CACNB2: variants seen among roughly 807,000 people sequenced by gnomAD.
The protein encoded by CACNB2 is voltage-dependent L-type calcium channel subunit beta-2.
Under a neutral mutation model 73.3 loss-of-function variants are expected in CACNB2, and 42 were observed. The ratio of observed to expected loss-of-function variants is 0.57; its 90% confidence interval spans 0.45 to 0.74. The LOEUF (loss-of-function observed/expected upper bound fraction) is 0.74, where lower values mean the gene tolerates loss of function less well. CACNB2 is among the 30% of genes least tolerant of loss of function. CACNB2 has a pLI of 0.00. For synonymous variants in CACNB2, 348 were observed against 310.3 expected (o/e 1.12, Z -1.28); for missense variants, 940 against 853.0 (o/e 1.10, Z -1.27).
chr10:18,352,580 AC>A (rs2041753737), intron 2 of CACNB2, among the ~76,000 whole-genome samples: 1 of 152,192 alleles, frequency 6.6e-6, no homozygotes, highest in Non-Finnish European at 1.5e-5. Flanking sequence ...TTTGCTACCC[AC>A]TTGTTGCTTT....
At chr10:18,312,470 A>G (rs1564426789) in intron 2 of CACNB2, among the ~76,000 whole-genome samples, 1 of 152,184 alleles carries the variant, frequency 6.6e-6, no homozygotes, top group African/African-American at 2.4e-5. Context: ...GCCAGTTAAG[A>G]TTATATAACA....
intron 6 of CACNB2, among the ~76,000 whole-genome samples, chr10:18,511,145 G>A (rs1278540552): frequency 6.6e-6 from 1 of 152,164 alleles, no homozygotes; most frequent in Non-Finnish European, 1.5e-5. Context: ...TAGCACATCA[G>A]TATGCATAGA....
chr10:18,270,682 C>A (rs2038014186), intron 2 of CACNB2, among the ~76,000 whole-genome samples: 1 of 152,090 alleles, frequency 6.6e-6, no homozygotes, highest in Admixed American at 6.6e-5. Context: ...TTTTATTTGC[C>A]TGTGCTCCTC....
intron 2 of CACNB2, among the ~76,000 whole-genome samples, chr10:18,205,638 T>A (rs2035057775): frequency 6.6e-6 from 1 of 152,228 alleles, no homozygotes; most frequent in South Asian, 2.1e-4. Flanking sequence ...CAAATATGAA[T>A]GAAATCTGAT....
chr10:18,534,068 C>T lies in CACNB2; in HGVS notation c.1055-8C>T, dbSNP rs1473904019. On this transcript the variant is annotated splice_polypyrimidine_tract_variant and splice_region_variant and intron_variant, in intron 10 of 13. Transcript: ENST00000324631. ...TGCACTTTAACTGAATTGTTTCGCC[C>T]TTTACAGCGGAAGTTCAGAGTGAAA... The T allele has an allele frequency of 5.6e-6, 9 of 1,613,978 alleles. No individual in the cohort carries two copies. Among genetic ancestry groups the T allele is most frequent in the Non-Finnish European group, 7.6e-6 (9 of 1,179,882 alleles).
At chr10:18,194,094 C>A (rs1210356975) in intron 2 of CACNB2, among the ~76,000 whole-genome samples, 1 of 152,102 alleles carries the variant, frequency 6.6e-6, no homozygotes, top group East Asian at 1.9e-4. Flanking sequence ...AGGATTCTCT[C>A]AATCAGAGTT....
chr10:18,287,811 C>A (rs1473555017), intron 2 of CACNB2, among the ~76,000 whole-genome samples: 1 of 152,186 alleles, frequency 6.6e-6, no homozygotes, highest in African/African-American at 2.4e-5. Flanking sequence ...GATCATGACA[C>A]TGCACTCCAG....
At chr10:18,234,779 T>C (rs535688788) in intron 2 of CACNB2, among the ~76,000 whole-genome samples, 1 of 152,264 alleles carries the variant, frequency 6.6e-6, no homozygotes, top group East Asian at 1.9e-4. Flanking sequence ...TGAAAAGTCC[T>C]GGAGATGGAT....
At chr10:18,228,118 A>G (rs2250996) in intron 2 of CACNB2, among the ~76,000 whole-genome samples, 88,367 of 152,110 alleles carry the variant, frequency 0.58, 26,877 homozygotes, top group Admixed American at 0.68. Context: ...TTGATGGTTC[A>G]TTTGGGGGGA....
intron 2 of CACNB2, among the ~76,000 whole-genome samples, chr10:18,339,231 C>T (rs1436348664): frequency 6.6e-6 from 1 of 152,060 alleles, no homozygotes; most frequent in African/African-American, 2.4e-5. Context: ...TTTATACTCC[C>T]ACCAACAGGC....
chr10:18,472,219 T>C (rs975340863), intron 3 of CACNB2, among the ~76,000 whole-genome samples: 4 of 70,648 alleles, frequency 5.7e-5, no homozygotes, highest in Non-Finnish European at 7.8e-5. Context: ...CCCACTTTTC[T>C]TCTTTTTTTT....
chr10:18,221,098 G>C (rs1030342705), intron 2 of CACNB2, among the ~76,000 whole-genome samples: 1 of 152,214 alleles, frequency 6.6e-6, no homozygotes, highest in Non-Finnish European at 1.5e-5. Context: ...AGAGGGAGGA[G>C]AGAAGGGCAG....
chr10:18,309,752 C>T (rs547521085), intron 2 of CACNB2, among the ~76,000 whole-genome samples: 5 of 152,254 alleles, frequency 3.3e-5, no homozygotes, highest in South Asian at 2.1e-4. Context: ...CCACCTCGCC[C>T]AGCCCAGAAA....
In CACNB2 at chr10:18,390,115, C is replaced by T. The variant is rs184994316; in HGVS notation, c.214-11809C>T. On this transcript the variant is annotated intron_variant, in intron 2 of 13. Transcript: ENST00000324631. The stretch of plus-strand genomic sequence containing the variant: ...TGTAGATTAATTGTTCATTGCCACC[C>T]GGGAGAACTCATCTTGGAAGGAAAG... 3.9e-5 allele frequency among the ~76,000 whole-genome samples: 6 copies of T among 152,298 alleles called. No homozygotes were observed. The South Asian group carries it at 1.0e-3, about 26-fold the overall frequency.
At chr10:18,302,397 G>A (rs1298934555) in intron 2 of CACNB2, among the ~76,000 whole-genome samples, 1 of 152,152 alleles carries the variant, frequency 6.6e-6, no homozygotes, top group African/African-American at 2.4e-5. Flanking sequence ...ATACTTGCAT[G>A]CACGTTTATA....
intron 4 of CACNB2, 142 bp from the exon 5 acceptor site, chr10:18,500,670 G>A (rs2050145419): frequency 1.2e-6 from 1 of 841,852 alleles, no homozygotes; most frequent in Non-Finnish European, 2.0e-6. Context: ...TGAAACCCAT[G>A]AGCCGAAGGG....
chr10:18,298,785 C>G (rs546105620), intron 2 of CACNB2, among the ~76,000 whole-genome samples: 1 of 152,130 alleles, frequency 6.6e-6, no homozygotes, highest in East Asian at 1.9e-4. Flanking sequence ...TGGATAATCC[C>G]TCATTTAAAG....
At position 18,519,010 on chromosome 10, in the gene CACNB2, A is replaced by C; in HGVS notation, c.944+42A>C. On this transcript the variant is annotated intron_variant, in intron 9 of 13. Transcript: ENST00000324631. ...ACTGGGTTTTGTGGATTTTGTCTTA[A>C]AGATGGCAAAACGCTGGTGGGACAT... 2.6e-6 allele frequency: 4 copies of C among 1,563,970 alleles called. No homozygotes were observed. The East Asian group carries it at 9.0e-5, about 35-fold the overall frequency.
At chr10:18,503,974 A>G (rs1352563090) in intron 5 of CACNB2, among the ~76,000 whole-genome samples, 3 of 152,218 alleles carry the variant, frequency 2.0e-5, no homozygotes, top group African/African-American at 7.2e-5. Flanking sequence ...TGTTTTGTAG[A>G]ATACATTTTG....
Sources: gnomAD v4.1 joint callset for allele counts (sites outside exome capture counted in the v4.1 genomes callset) on GRCh38, gnomAD v4.1.1 for gene constraint, MANE v1.5 for transcripts, NCBI Gene and HGNC (gene_info 2026-07-23, HGNC 2026-07-21) for gene names.